Variants in HEPH observed in about 807,000 individuals in gnomAD.
HEPH encodes the protein hephaestin.
HEPH carries 69 observed loss-of-function variants against 80.8 expected under a neutral mutation model. The ratio of observed to expected loss-of-function variants is 0.85; its 90% CI spans 0.70 to 1.04. The LOEUF (loss-of-function observed/expected upper bound fraction) is 1.04. HEPH is among the 50% of genes least tolerant of loss of function. The pLI, the probability that HEPH is intolerant of heterozygous loss-of-function variation, is 0.00. For synonymous variants in HEPH, 431 were observed against 322.8 expected, an observed-to-expected ratio of 1.34 and a Z score of -3.60; for missense variants, 1,115 against 891.3, an observed-to-expected ratio of 1.25 and a Z score of -3.20.
upstream of HEPH, among the ~76,000 whole-genome samples, chrX:66,163,962 T>C (rs781229060): frequency 5.4e-5 from 6 of 112,050 alleles, no homozygotes; most frequent in East Asian, 1.4e-3. Context: ...GGGCTGACAA[T>C]TGTGCTTCAG....
chrX:66,252,509 G>A (rs146438780), intron 15 of HEPH, among the ~76,000 whole-genome samples: 84 of 111,597 alleles, frequency 7.5e-4, no homozygotes, highest in African/African-American at 2.7e-3. Context: ...GCAGGCCAGG[G>A]CTGAGTTAGA....
chrX:66,202,495 T>C (rs1275411544), intron 12 of HEPH, among the ~76,000 whole-genome samples: 1 of 111,723 alleles, frequency 9.0e-6, no homozygotes, highest in Non-Finnish European at 1.9e-5. Flanking sequence ...GTTAGAAATT[T>C]GGAGCTTAAG....
chrX:66,199,508 A>G (rs2088305192), intron 11 of HEPH, among the ~76,000 whole-genome samples: 1 of 111,602 alleles, frequency 9.0e-6, no homozygotes, highest in South Asian at 3.8e-4. Context: ...AAAAAGTAAA[A>G]CCATCTCATG....
Position 66,232,380 on chromosome X carries a change from C to T in HEPH, c.2564-22655C>T, listed in dbSNP as rs149233038. On this transcript the variant is annotated intron_variant, in intron 15 of 20. Transcript: ENST00000343002. ...GTTGTTACAATAATACTGCAGAAGG[C>T]ATACAGCTTCTCCTGTATTTAGTTT... 1.8e-4 allele frequency among the ~76,000 whole-genome samples: 20 copies of T among 111,736 alleles called. No homozygotes were observed. In the East Asian group the frequency reaches 5.0e-3, roughly 28 times the overall value.
Position 66,195,181 on chromosome X carries a change from C to T in HEPH, c.1453C>T (p.His485Tyr). 1 of 1,202,954 alleles carries T rather than the reference C, an allele frequency of 8.3e-7. No homozygotes were observed. Among genetic ancestry groups the T allele is most frequent in the South Asian group, 1.8e-5 (1 of 55,111 alleles). The change falls in exon 9 of 21, where the codon CAT becomes TAT. Residue 485 changes from histidine (H) to tyrosine (Y), a missense_variant. Coordinates refer to ENST00000343002, the MANE Select transcript of HEPH (RefSeq NM_001367233.3). Reference protein sequence around the residue: ...RASQPFSMQPHGVFYEKDYEG... With the variant: ...RASQPFSMQPYGVFYEKDYEG... ...CTCCCAGCCATTCAGCATGCAGCCC[C>T]ATGGGGTCTTTTATGAGAAAGACTA...
intron 4 of HEPH, among the ~76,000 whole-genome samples, chrX:66,186,311 G>A (rs748273487): frequency 1.3e-3 from 134 of 105,540 alleles, no homozygotes; most frequent in African/African-American, 4.4e-3. Flanking sequence ...CCTCGTTGCC[G>A]CCTTGCAGTT....
intron 15 of HEPH, among the ~76,000 whole-genome samples, chrX:66,246,064 C>T (rs1444019882): frequency 8.9e-6 from 1 of 111,821 alleles, no homozygotes; most frequent in Non-Finnish European, 1.9e-5. Flanking sequence ...GGGGTTGTGC[C>T]TGCCCACAGA....
intron 1 of HEPH, among the ~76,000 whole-genome samples, chrX:66,169,349 C>A (rs1221461594): frequency 2.7e-5 from 3 of 111,774 alleles, no homozygotes; most frequent in African/African-American, 9.8e-5. Context: ...GTGTGTGCAT[C>A]TCTGCTTTTA....
At chrX:66,268,394 G>A (rs2091584731), downstream of HEPH, 2 of 112,119 alleles carry the variant, frequency 1.8e-5, no homozygotes, top group Non-Finnish European at 3.8e-5. Context: ...ATGGTCAATG[G>A]GTTTCTGGAG....
chrX:66,187,989 G>A (rs981300329), intron 4 of HEPH, among the ~76,000 whole-genome samples: 5 of 111,665 alleles, frequency 4.5e-5, no homozygotes, highest in Admixed American at 1.9e-4. Context: ...ATATGGATAA[G>A]ATTGAAAGTG....
chrX:66,178,589 C>A (rs2086930216), intron 4 of HEPH, among the ~76,000 whole-genome samples: 1 of 112,214 alleles, frequency 8.9e-6, no homozygotes, highest in Admixed American at 9.4e-5. Flanking sequence ...TATTTCTCCA[C>A]ATCCTCTCCA....
intron 4 of HEPH, among the ~76,000 whole-genome samples, chrX:66,186,797 C>T (rs2087477365): frequency 8.9e-6 from 1 of 112,308 alleles, no homozygotes; most frequent in South Asian, 3.7e-4. Flanking sequence ...AAGTTTTCCC[C>T]TATTGCTCCT....
intron 15 of HEPH, among the ~76,000 whole-genome samples, chrX:66,239,856 C>A (rs2090502848): frequency 8.9e-6 from 1 of 112,029 alleles, no homozygotes; most frequent in Non-Finnish European, 1.9e-5. Context: ...TCACAATTAT[C>A]CCTTATGCTG....
chrX:66,212,030 C>A (rs2089156272), intron 15 of HEPH, among the ~76,000 whole-genome samples: 1 of 110,130 alleles, frequency 9.1e-6, no homozygotes, highest in African/African-American at 3.3e-5. Flanking sequence ...TTAGTAATAG[C>A]CATTCTGACT....
intron 15 of HEPH, among the ~76,000 whole-genome samples, chrX:66,216,625 T>C (rs1026491818): frequency 9.0e-6 from 1 of 111,613 alleles, no homozygotes; most frequent in African/African-American, 3.3e-5. Flanking sequence ...TAAGAAGGAA[T>C]TGGAACACCA....
chrX:66,204,089 A>G (rs2088629849), intron 13 of HEPH, among the ~76,000 whole-genome samples: 1 of 112,176 alleles, frequency 8.9e-6, no homozygotes, highest in Non-Finnish European at 1.9e-5. Context: ...TGGGGCCAAG[A>G]TGTCTGTTCC....
intron 2 of HEPH, 69 bp downstream of exon 2, chrX:66,170,806 CTT>C: frequency 2.1e-6 from 2 of 935,986 alleles, no homozygotes; most frequent in South Asian, 4.6e-5. Context: ...GAAGTAGCCT[CTT>C]GAGGCCCCTT....
chrX:66,224,201 T>C (rs769958126), intron 15 of HEPH, among the ~76,000 whole-genome samples: 1 of 111,531 alleles, frequency 9.0e-6, no homozygotes, highest in Non-Finnish European at 1.9e-5. Flanking sequence ...ATATGTTATA[T>C]TGTTAACTTT....
chrX:66,207,286 A>G lies in HEPH; in HGVS notation c.2383A>G (p.Arg795Gly). 1 of 1,203,176 alleles carries G rather than the reference A, an allele frequency of 8.3e-7. No individual in the cohort carries two copies. ...CAGGGAATACACTGATGGTACATTC[A>G]GGATCCCTCGGCCAAGGACTGGACC... ...VFREYTDGTF[R>G]IPRPRTGPEE... The change falls in exon 14 of 21, where the codon AGG (arginine) becomes GGG (glycine). Residue 795 changes from arginine to glycine, a missense_variant. By Grantham distance (125) the Arg-to-Gly change is moderately radical (BLOSUM62 -2). Transcript: ENST00000343002.
Sources: gnomAD v4.1 joint callset for allele counts (sites outside exome capture counted in the v4.1 genomes callset) on GRCh38, gnomAD v4.1.1 for gene constraint, MANE v1.5 for transcripts, NCBI Gene and HGNC (gene_info 2026-07-23, HGNC 2026-07-21) for gene names.